CPXM2: variants seen among roughly 807,000 people sequenced by gnomAD.
The protein encoded by CPXM2 is inactive carboxypeptidase-like protein X2.
Under a neutral mutation model 86.1 loss-of-function variants are expected in CPXM2, and 66 were observed. That is an observed-to-expected ratio of 0.77 (90% confidence interval 0.63 to 0.94). The LOEUF is 0.94. Ranked by LOEUF, CPXM2 falls within the 40% of genes least tolerant of loss-of-function variation. The probability of loss-of-function intolerance (pLI) is 0.00; values close to 1 mark genes in which losing one functional copy is unlikely to be tolerated. For synonymous variants in CPXM2, 388 were observed against 400.2 expected (o/e 0.97, Z 0.36); for missense variants, 948 against 1,026.3 (o/e 0.92, Z 1.04).
chr10:123,849,763 G>A (rs1848564598), intron 3 of CPXM2, among the ~76,000 whole-genome samples: 1 of 152,168 alleles, frequency 6.6e-6, no homozygotes, highest in Middle Eastern at 3.4e-3. Flanking sequence ...TTCTTTAGTT[G>A]AGCAGCTTCT....
At chr10:123,756,933 G>A (rs1181861408) in intron 12 of CPXM2, among the ~76,000 whole-genome samples, 1 of 152,212 alleles carries the variant, frequency 6.6e-6, no homozygotes, top group Non-Finnish European at 1.5e-5. Context: ...TGGGCACATT[G>A]GCTCAAACAC....
intron 1 of CPXM2, among the ~76,000 whole-genome samples, chr10:123,889,648 C>T (rs1368249589): frequency 6.6e-6 from 1 of 152,188 alleles, no homozygotes; most frequent in Non-Finnish European, 1.5e-5. Context: ...GTTTTTACAG[C>T]AATTGACAAA....
intron 2 of CPXM2, among the ~76,000 whole-genome samples, chr10:123,901,010 G>C (rs1404522442): frequency 2.0e-5 from 3 of 152,028 alleles, no homozygotes; most frequent in Non-Finnish European, 4.4e-5. Context: ...ATAATTTTCT[G>C]ATTGCTTTTA....
upstream of CPXM2, among the ~76,000 whole-genome samples, chr10:123,894,971 C>A (rs528199508): frequency 6.6e-6 from 1 of 152,064 alleles, no homozygotes; most frequent in African/African-American, 2.4e-5. Flanking sequence ...CCTTGCTCCC[C>A]GACCGAAGAA....
At position 123,768,550 on chromosome 10, in the gene CPXM2, A is replaced by G. The variant is rs1846548078; in HGVS notation, c.1275T>C (p.Asp425=). Residue 425 remains aspartate, a synonymous_variant, in exon 9 of 14, where the codon GAT becomes GAC. Coordinates refer to ENST00000241305, the MANE Select transcript of CPXM2 (RefSeq NM_198148.3). ...RIHVLPSLNP[D]GYEKAYEGGS... is the part of the protein sequence containing the mutation. Reference sequence around the variant, plus strand: ...CCCCTTCGTAGGCCTTCTCGTAGCCATCGGGGTTGAGGGAGGGGAGGACGT... The same window carrying G: ...CCCCTTCGTAGGCCTTCTCGTAGCCGTCGGGGTTGAGGGAGGGGAGGACGT... 6.2e-7 allele frequency: 1 copy of G among 1,613,704 alleles called. No homozygotes were observed. Among genetic ancestry groups the G allele is most frequent in the Non-Finnish European group, 8.5e-7 (1 of 1,179,830 alleles).
At chr10:123,842,659 G>T (rs1026966471) in intron 3 of CPXM2, among the ~76,000 whole-genome samples, 171 bp from the exon 4 acceptor site, 1 of 152,120 alleles carries the variant, frequency 6.6e-6, no homozygotes, top group Non-Finnish European at 1.5e-5. Context: ...ATCATAAAAG[G>T]GAGTTGCTTA....
chr10:123,907,173 A>G (rs986988408), intron 2 of CPXM2, among the ~76,000 whole-genome samples: 2 of 152,344 alleles, frequency 1.3e-5, no homozygotes, highest in South Asian at 4.1e-4. Context: ...TGTGGTAGAC[A>G]TACCTGCTCC....
chr10:123,866,579 A>T (rs1463813059), intron 2 of CPXM2, among the ~76,000 whole-genome samples: 1 of 143,740 alleles, frequency 7.0e-6, no homozygotes, highest in East Asian at 2.0e-4. Context: ...AAAAAAAAAA[A>T]GTTTAAACTC....
chr10:123,855,863 T>C (rs993390754), intron 3 of CPXM2, among the ~76,000 whole-genome samples: 1 of 152,188 alleles, frequency 6.6e-6, no homozygotes, highest in African/African-American at 2.4e-5. Flanking sequence ...CCAGCAGTGC[T>C]GGGGAAATGG....
chr10:123,871,260 C>T (rs182705487), intron 2 of CPXM2, among the ~76,000 whole-genome samples: 2 of 152,308 alleles, frequency 1.3e-5, no homozygotes, highest in Admixed American at 1.3e-4. Flanking sequence ...AGTCTGTCTC[C>T]CTGAACAGGC....
At chr10:123,915,776 G>A (rs1945529812) in intron 2 of CPXM2, among the ~76,000 whole-genome samples, 1 of 152,096 alleles carries the variant, frequency 6.6e-6, no homozygotes, top group Non-Finnish European at 1.5e-5. Flanking sequence ...TGAAAGCTAA[G>A]CAGAGAGAAA....
intron 4 of CPXM2, among the ~76,000 whole-genome samples, chr10:123,811,933 T>C (rs1847703874): frequency 6.6e-6 from 1 of 152,204 alleles, no homozygotes; most frequent in South Asian, 2.1e-4. Context: ...AGAATAGCAA[T>C]GCCAAATGTT....
At chr10:123,749,098 G>A (rs74161093) in intron 13 of CPXM2, among the ~76,000 whole-genome samples, 1,835 of 152,266 alleles carry the variant, frequency 0.012, 41 homozygotes, top group African/African-American at 0.042. Flanking sequence ...TGGCTTACTG[G>A]CCTGAGAAGC....
At chr10:123,862,825 C>T (rs1848883543) in intron 2 of CPXM2, 102 bp from the exon 3 acceptor site, 1 of 920,134 alleles carries the variant, frequency 1.1e-6, no homozygotes, top group Non-Finnish European at 1.7e-6. Context: ...TTCCCCTGAA[C>T]TCCCACCCAC....
chr10:123,923,131 C>T (rs760234550), intron 2 of CPXM2, among the ~76,000 whole-genome samples: 3 of 152,098 alleles, frequency 2.0e-5, no homozygotes, highest in Non-Finnish European at 2.9e-5. Context: ...GATCAAGAAC[C>T]TGGGACATTC....
upstream of CPXM2, among the ~76,000 whole-genome samples, chr10:123,895,513 C>T (rs1166472725): frequency 3.3e-5 from 5 of 152,222 alleles, no homozygotes; most frequent in Non-Finnish European, 7.3e-5. Flanking sequence ...CAGAAACCAA[C>T]AGAATATAAG....
intron 2 of CPXM2, among the ~76,000 whole-genome samples, chr10:123,904,322 C>T (rs990405393): frequency 3.9e-5 from 6 of 152,246 alleles, no homozygotes; most frequent in Admixed American, 6.5e-5. Flanking sequence ...GTAAGGGACA[C>T]GCAGGCGCAG....
intron 2 of CPXM2, among the ~76,000 whole-genome samples, chr10:123,932,286 T>C (rs1945672578): frequency 6.6e-6 from 1 of 152,166 alleles, no homozygotes; most frequent in Non-Finnish European, 1.5e-5. Flanking sequence ...CCTCTCAGCC[T>C]CACCTCTCAT....
intron 3 of CPXM2, among the ~76,000 whole-genome samples, chr10:123,849,449 T>C (rs1440853046): frequency 6.7e-6 from 1 of 150,184 alleles, no homozygotes; most frequent in East Asian, 1.9e-4. Flanking sequence ...TTTTTTTTTT[T>C]TTTTTTTTGA....
Sources: allele counts gnomAD v4.1 joint callset (sites outside exome capture counted in the v4.1 genomes callset), GRCh38; gene constraint gnomAD v4.1.1; transcripts MANE v1.5; gene names NCBI Gene and HGNC (gene_info 2026-07-23, HGNC 2026-07-21).